The following DPY19L3 variants were observed in gnomAD, a reference collection of about 807,000 sequenced individuals.
DPY19L3 encodes the protein protein C-mannosyl-transferase DPY19L3.
Under a neutral mutation model 92.3 loss-of-function variants are expected in DPY19L3, and 51 were observed. The ratio of observed to expected loss-of-function variants is 0.55; its 90% CI spans 0.44 to 0.70. The LOEUF (loss-of-function observed/expected upper bound fraction) is 0.70, where lower values mean the gene tolerates loss of function less well. DPY19L3 is among the 30% of genes least tolerant of loss of function. DPY19L3 has a pLI of 0.00. For synonymous variants in DPY19L3, 309 were observed against 315.2 expected, an observed-to-expected ratio of 0.98 and a Z score of 0.21; for missense variants, 706 against 855.9, an observed-to-expected ratio of 0.82 and a Z score of 2.18.
chr19:32,433,614 A>C (rs1438986141), intron 4 of DPY19L3, among the ~76,000 whole-genome samples: 1 of 151,998 alleles, frequency 6.6e-6, no homozygotes, highest in Non-Finnish European at 1.5e-5. Context: ...GTGGAGACGA[A>C]GTCTCACTGT....
intron 3 of DPY19L3, among the ~76,000 whole-genome samples, chr19:32,427,328 C>T (rs530183753): frequency 1.3e-5 from 2 of 152,262 alleles, no homozygotes; most frequent in South Asian, 2.1e-4. Context: ...AAACATCTTT[C>T]GGTCAAATAC....
intron 3 of DPY19L3, among the ~76,000 whole-genome samples, chr19:32,414,313 C>T (rs1256407779): frequency 1.3e-5 from 2 of 151,646 alleles, no homozygotes; most frequent in South Asian, 4.2e-4. Flanking sequence ...CCCAGCTACT[C>T]GGGAGGCTGA....
intron 3 of DPY19L3, among the ~76,000 whole-genome samples, chr19:32,429,863 G>A (rs1044804071): frequency 1.3e-5 from 2 of 152,190 alleles, no homozygotes; most frequent in African/African-American, 4.8e-5. Context: ...GTGGTTATTT[G>A]AATGAGTAGG....
At chr19:32,436,128 A>G (rs539507095) in intron 4 of DPY19L3, among the ~76,000 whole-genome samples, 2 of 152,372 alleles carry the variant, frequency 1.3e-5, no homozygotes, top group South Asian at 2.1e-4. Flanking sequence ...TGCAGGTTGC[A>G]TGGCAGGAGG....
intron 3 of DPY19L3, among the ~76,000 whole-genome samples, chr19:32,424,486 C>T (rs1212782880): frequency 1.3e-5 from 2 of 151,796 alleles, no homozygotes; most frequent in African/African-American, 2.4e-5. Context: ...AAAAAATTAG[C>T]CAGGCTTGGT....
chr19:32,424,799 A>C (rs1399361879), intron 3 of DPY19L3, among the ~76,000 whole-genome samples: 1 of 152,232 alleles, frequency 6.6e-6, no homozygotes, highest in Non-Finnish European at 1.5e-5. Context: ...AAGAAGAACA[A>C]AGTTGTAAGA....
intron 6 of DPY19L3, among the ~76,000 whole-genome samples, chr19:32,437,672 A>G (rs1402213481): frequency 2.0e-5 from 3 of 152,170 alleles, no homozygotes; most frequent in Non-Finnish European, 4.4e-5. Context: ...TTGGCAAATA[A>G]TAATTATACA....
At chr19:32,433,502 C>CA (rs1969036677) in intron 4 of DPY19L3, among the ~76,000 whole-genome samples, 1 of 152,196 alleles carries the variant, frequency 6.6e-6, no homozygotes, top group Non-Finnish European at 1.5e-5. Context: ...GCTGTAGTCT[C>CA]AATCTCCCAG....
intron 16 of DPY19L3, among the ~76,000 whole-genome samples, chr19:32,476,968 G>A (rs1407356554): frequency 7.9e-5 from 12 of 151,920 alleles, no homozygotes; most frequent in Admixed American, 7.9e-4. Flanking sequence ...AAAAACCCTT[G>A]GAACTGACTC....
chr19:32,416,543 A>G (rs1968384828), intron 3 of DPY19L3, among the ~76,000 whole-genome samples: 1 of 152,252 alleles, frequency 6.6e-6, no homozygotes, highest in African/African-American at 2.4e-5. Flanking sequence ...CTCAGGTTCA[A>G]TAATTCACTA....
intron 3 of DPY19L3, among the ~76,000 whole-genome samples, chr19:32,414,773 T>G (rs1389268947): frequency 6.6e-6 from 1 of 152,214 alleles, no homozygotes; most frequent in Non-Finnish European, 1.5e-5. Flanking sequence ...ATAACTTAAT[T>G]ATAAACTATT....
At chr19:32,425,514 G>A (rs942129314) in intron 3 of DPY19L3, among the ~76,000 whole-genome samples, 9 of 151,722 alleles carry the variant, frequency 5.9e-5, no homozygotes, top group African/African-American at 1.9e-4. Flanking sequence ...TGGCGCCACT[G>A]TGCTCCATCG....
rs746868275 is a variant in DPY19L3 at position 32,453,174 on chromosome 19, A to G, written c.885A>G (p.Thr295=). The G allele has an allele frequency of 1.2e-6, 2 of 1,614,016 alleles. No homozygotes were observed. ...CATGGCTGTATGGAATACAGATAACAAGTTTACTCCTGGTCTGCATTCTTC... is the reference window on the plus strand; with the variant it reads ...CATGGCTGTATGGAATACAGATAACGAGTTTACTCCTGGTCTGCATTCTTC... ...KATWLYGIQI[T]SLLLVCILQF... Residue 295 remains threonine, a synonymous_variant, in exon 9 of 19, where the codon ACA becomes ACG. Transcript: ENST00000392250.
At chr19:32,437,728 A>C (rs1969190147) in intron 6 of DPY19L3, among the ~76,000 whole-genome samples, 1 of 152,158 alleles carries the variant, frequency 6.6e-6, no homozygotes, top group South Asian at 2.1e-4. Flanking sequence ...TAGAATGTAT[A>C]GTGATCAGAT....
At position 32,415,843 on chromosome 19, in the gene DPY19L3, T is replaced by C. The variant is rs137987484; in HGVS notation, c.237+4471T>C. Among the ~76,000 whole-genome samples the C allele has an allele frequency of 3.2e-4, 49 of 152,182 alleles. No individual in the cohort carries two copies. The East Asian group carries it at 6.6e-3, about 20-fold the overall frequency. ...GGAAAAATCAGAAAGAAAATGAAAA[T>C]GAATCCTACGGTGAAAGTCACACGG... is the stretch of plus-strand genomic sequence containing the variant. On this transcript the variant is annotated intron_variant, in intron 3 of 18. Transcript: ENST00000392250.
intron 16 of DPY19L3, among the ~76,000 whole-genome samples, chr19:32,475,373 C>T (rs1371897536): frequency 6.6e-6 from 1 of 152,160 alleles, no homozygotes. Flanking sequence ...TCCTGCTCTG[C>T]CAGGCGTGGA....
At chr19:32,425,972 C>T (rs1042893696) in intron 3 of DPY19L3, among the ~76,000 whole-genome samples, 1 of 152,198 alleles carries the variant, frequency 6.6e-6, no homozygotes, top group Non-Finnish European at 1.5e-5. Context: ...TGTAAAAGTC[C>T]GAGATGGCAT....
At chr19:32,475,273 C>T (rs17692296) in intron 16 of DPY19L3, among the ~76,000 whole-genome samples, 1,857 of 152,260 alleles carry the variant, frequency 0.012, 13 homozygotes, top group Non-Finnish European at 0.02. Flanking sequence ...CTGCCGGGTT[C>T]GTCTTTTGTG....
chr19:32,452,376 G>C (rs1383335432), intron 8 of DPY19L3, among the ~76,000 whole-genome samples: 2 of 152,212 alleles, frequency 1.3e-5, no homozygotes, highest in African/African-American at 2.4e-5. Flanking sequence ...GGGGTTTGCA[G>C]TCTAATCAGG....
Sources: gnomAD v4.1 joint callset for allele counts (sites outside exome capture counted in the v4.1 genomes callset) on GRCh38, gnomAD v4.1.1 for gene constraint, MANE v1.5 for transcripts, NCBI Gene and HGNC (gene_info 2026-07-23, HGNC 2026-07-21) for gene names.